Variants in SH3BP4 observed in about 807,000 individuals in gnomAD.
SH3BP4 encodes the protein SH3 domain-binding protein 4.
A neutral mutation model predicts 65.5 loss-of-function variants in SH3BP4; 33 were observed. That is an observed-to-expected ratio of 0.50 (90% CI 0.38 to 0.67). The LOEUF is 0.67. Ranked by LOEUF, SH3BP4 falls within the 30% of genes least tolerant of loss-of-function variation. The probability of loss-of-function intolerance (pLI) is 0.00; values close to 1 mark genes in which losing one functional copy is unlikely to be tolerated. For synonymous variants in SH3BP4, 552 were observed against 545.5 expected (o/e 1.01, Z -0.17); for missense variants, 1,134 against 1,261.4 (o/e 0.90, Z 1.53).
Position 235,045,530 on chromosome 2 carries a change from A to T in SH3BP4, c.2478+2283A>T, listed in dbSNP as rs1228865181. On this transcript the variant is annotated intron_variant, in intron 4 of 5. Transcript: ENST00000392011. This position sits in a 1 kb window ranked among gnomAD's most constrained non-coding sequence, Gnocchi z 4.3. ...TCCGCTACCCAGAAAGGAGGAAGTGAAACTTGCCCTTGGCCAGGTCGGCTC... is the reference window on the plus strand; with the variant it reads ...TCCGCTACCCAGAAAGGAGGAAGTGTAACTTGCCCTTGGCCAGGTCGGCTC... Among the ~76,000 whole-genome samples the T allele has an allele frequency of 6.6e-6, 1 of 152,052 alleles. No homozygotes were observed. The highest frequency in any genetic ancestry group is 2.4e-5 in the African/African-American group (1 of 41,390).
At chr2:235,008,293 G>A (rs1694366498) in intron 2 of SH3BP4, among the ~76,000 whole-genome samples, 1 of 152,166 alleles carries the variant, frequency 6.6e-6, no homozygotes, top group Non-Finnish European at 1.5e-5. Flanking sequence ...TTGGTGGGAG[G>A]GAGGCCCTTT....
chr2:234,989,897 A>G (rs566895470), intron 1 of SH3BP4, among the ~76,000 whole-genome samples: 22 of 152,284 alleles, frequency 1.4e-4, no homozygotes, highest in Non-Finnish European at 2.8e-4. Context: ...CCCCTCATCC[A>G]AAAATTTGAA....
rs1337849105 is a variant in SH3BP4, at chr2:235,041,936, C to A, written c.1167C>A (p.Thr389=). ...EVKLSNLEVK[T]SIILEMKVSA... is the part of the protein sequence containing the mutation. ...AGCTGAGCAACCTGGAGGTGAAAAC[C>A]TCTATCATCTTGGAGATGAAAGTGT... The change falls in exon 4 of 6, where the codon ACC becomes ACA. Residue 389 remains threonine, a synonymous_variant. Coordinates refer to ENST00000392011, the MANE Select transcript of SH3BP4 (RefSeq NM_014521.3). This position sits in a 1 kb window ranked among gnomAD's most constrained non-coding sequence, Gnocchi z 6.0. 3 of 1,613,576 alleles carry A rather than the reference C, an allele frequency of 1.9e-6. No homozygotes were observed. In the Admixed American group the frequency reaches 5.0e-5, roughly 27 times the overall value.
At chr2:234,999,092 G>A (rs184835059) in intron 2 of SH3BP4, among the ~76,000 whole-genome samples, 65 of 152,346 alleles carry the variant, frequency 4.3e-4, no homozygotes, top group African/African-American at 1.5e-3. Flanking sequence ...GCAAATGCAC[G>A]TTGGTGAGGC....
chr2:235,049,833 C>G (rs1235692027), intron 4 of SH3BP4, among the ~76,000 whole-genome samples: 1 of 152,170 alleles, frequency 6.6e-6, no homozygotes, highest in Non-Finnish European at 1.5e-5. Flanking sequence ...ATATTTGCCT[C>G]CACGCCTGTC....
rs1028381028 is a variant in SH3BP4, at chr2:235,046,564, C to T, written c.2478+3317C>T. Among the ~76,000 whole-genome samples the T allele has an allele frequency of 2.0e-5, 3 of 151,974 alleles. No homozygotes were observed. The highest frequency in any genetic ancestry group is 7.3e-5 in the African/African-American group (3 of 41,374). On this transcript the variant is annotated intron_variant, in intron 4 of 5. Coordinates refer to ENST00000392011, the MANE Select transcript of SH3BP4 (RefSeq NM_014521.3). This position sits in a 1 kb window ranked among gnomAD's most constrained non-coding sequence, Gnocchi z 4.2. ...TCCAGCCTGGACAACAGAGTGAAACCCTGTCTTGAAAATAAAGGAAGAGAA... is the reference window on the plus strand; with the variant it reads ...TCCAGCCTGGACAACAGAGTGAAACTCTGTCTTGAAAATAAAGGAAGAGAA...
At chr2:235,022,042 T>C (rs1262490474) in intron 2 of SH3BP4, among the ~76,000 whole-genome samples, 1 of 152,194 alleles carries the variant, frequency 6.6e-6, no homozygotes, top group Non-Finnish European at 1.5e-5. Flanking sequence ...TGAATGTTTA[T>C]TGAATTTGTC....
intron 3 of SH3BP4, among the ~76,000 whole-genome samples, chr2:235,036,841 A>G (rs1695401590): frequency 6.6e-6 from 1 of 152,088 alleles, no homozygotes; most frequent in Admixed American, 6.6e-5. Flanking sequence ...GACAGCCTTG[A>G]ACGTGAGGAG....
At position 235,052,863 on chromosome 2, in the gene SH3BP4, A is replaced by G. The variant is rs1267854515; in HGVS notation, c.2667+113A>G. On this transcript the variant is annotated intron_variant, in intron 5 of 5. Coordinates refer to ENST00000392011, the MANE Select transcript of SH3BP4 (RefSeq NM_014521.3). The surrounding 1 kb of genome is among the most constrained non-coding windows in gnomAD (Gnocchi z 5.0). Reference sequence around the variant, plus strand: ...CTCGCGGCATTTCTGTGAGGGTGCAACAGGTGGAAATGTGCACGCATGTGC... The same window carrying G: ...CTCGCGGCATTTCTGTGAGGGTGCAGCAGGTGGAAATGTGCACGCATGTGC... 1 of 1,050,356 alleles carries G rather than the reference A, an allele frequency of 9.5e-7. No homozygotes were observed. Among genetic ancestry groups the G allele is most frequent in the South Asian group, 1.6e-5 (1 of 62,248 alleles). 65.1% of individuals were successfully genotyped at this position (1,050,356 alleles called of 1,614,324 possible).
chr2:235,049,663 G>T (rs145634478), intron 4 of SH3BP4, among the ~76,000 whole-genome samples: 109 of 152,270 alleles, frequency 7.2e-4, no homozygotes, highest in Non-Finnish European at 1.3e-3. Context: ...AATTTGTTTT[G>T]AATATATCCA....
intron 2 of SH3BP4, among the ~76,000 whole-genome samples, chr2:235,007,403 G>A (rs1413943226): frequency 1.3e-5 from 2 of 152,098 alleles, no homozygotes; most frequent in African/African-American, 2.4e-5. Flanking sequence ...AGCCCCCCAG[G>A]GACACTTGGC....
intron 1 of SH3BP4, among the ~76,000 whole-genome samples, chr2:234,989,176 C>T (rs567685096): frequency 1.3e-5 from 2 of 152,268 alleles, no homozygotes; most frequent in Non-Finnish European, 2.9e-5. Context: ...CATGGCCAGG[C>T]CATGAAGTCT....
chr2:235,002,062 C>T (rs1004139642), intron 2 of SH3BP4, among the ~76,000 whole-genome samples: 9 of 151,918 alleles, frequency 5.9e-5, no homozygotes, highest in Admixed American at 3.3e-4. Context: ...CGTTTCACCA[C>T]GTTGGCCAGG....
chr2:234,953,798 C>T (rs1213075864), intron 1 of SH3BP4, among the ~76,000 whole-genome samples: 1 of 152,072 alleles, frequency 6.6e-6, no homozygotes. Flanking sequence ...TCCAGTGGAG[C>T]CCTGAGGACA....
chr2:234,962,263 A>C (rs1451263267), intron 1 of SH3BP4, among the ~76,000 whole-genome samples: 1 of 151,872 alleles, frequency 6.6e-6, no homozygotes, highest in Non-Finnish European at 1.5e-5. Context: ...CAGCCTCCCT[A>C]GTAGCTGGGA....
chr2:235,045,935 G>C lies in SH3BP4; in HGVS notation c.2478+2688G>C, dbSNP rs113891843. Among the ~76,000 whole-genome samples, 2 of 152,248 alleles carry C rather than the reference G, an allele frequency of 1.3e-5. No homozygotes were observed. The highest frequency in any genetic ancestry group is 4.8e-5 in the African/African-American group (2 of 41,540). ...CAGTCAGTGTGCAGGGAGATGGGAAGGAAAAAGGAGTCAAATGAGACCTGG... is the reference window on the plus strand; with the variant it reads ...CAGTCAGTGTGCAGGGAGATGGGAACGAAAAAGGAGTCAAATGAGACCTGG... On this transcript the variant is annotated intron_variant, in intron 4 of 5. Transcript: ENST00000392011. The surrounding 1 kb of genome is among the most constrained non-coding windows in gnomAD (Gnocchi z 4.3).
In SH3BP4 at chr2:234,997,607, C is replaced by G. The variant is rs534516312; in HGVS notation, c.-133+2231C>G. On this transcript the variant is annotated intron_variant, in intron 2 of 5. Transcript: ENST00000392011. This position sits in a 1 kb window ranked among gnomAD's most constrained non-coding sequence, Gnocchi z 4.2. ...TGTCAGCTAGGGGACGGAGCCGGTG[C>G]GGAGATCGAGGCCCCACAAGGCCTG... Among the ~76,000 whole-genome samples, 3 of 152,126 alleles carry G rather than the reference C, an allele frequency of 2.0e-5. No individual in the cohort carries two copies. Among genetic ancestry groups the G allele is most frequent in the Non-Finnish European group, 4.4e-5 (3 of 68,014 alleles).
intron 1 of SH3BP4, among the ~76,000 whole-genome samples, chr2:234,960,505 G>C (rs1440991882): frequency 6.6e-6 from 1 of 152,208 alleles, no homozygotes; most frequent in East Asian, 1.9e-4. Context: ...GACATCAGGA[G>C]ATCAGGCACT....
At chr2:235,009,864 G>A (rs766546578) in intron 2 of SH3BP4, among the ~76,000 whole-genome samples, 4 of 152,004 alleles carry the variant, frequency 2.6e-5, no homozygotes, top group Non-Finnish European at 4.4e-5. Context: ...AGCTAAGAGC[G>A]TCTTTGTGGT....
Sources: gnomAD v4.1 joint callset for allele counts (sites outside exome capture counted in the v4.1 genomes callset) on GRCh38, gnomAD v4.1.1 for gene constraint, Gnocchi (gnomAD v3.1) non-coding constraint, MANE v1.5 for transcripts, NCBI Gene and HGNC (gene_info 2026-07-23, HGNC 2026-07-21) for gene names.